Variants in NAALADL2 observed in about 807,000 individuals in gnomAD.
The protein encoded by NAALADL2 is N-acetylated alpha-linked acidic dipeptidase like 2, also known as inactive N-acetylated-alpha-linked acidic dipeptidase-like protein 2.
NAALADL2 carries 76 observed loss-of-function variants against 87.2 expected under a neutral mutation model. That is an observed-to-expected ratio of 0.87 (90% confidence interval 0.72 to 1.05). The LOEUF (loss-of-function observed/expected upper bound fraction) is 1.05. Ranked by LOEUF, NAALADL2 falls within the 50% of genes least tolerant of loss-of-function variation. The probability of loss-of-function intolerance (pLI) is 0.00; values close to 1 mark genes in which losing one functional copy is unlikely to be tolerated. For synonymous variants in NAALADL2, 354 were observed against 331.0 expected, an observed-to-expected ratio of 1.07 and a Z score of -0.75; for missense variants, 1,089 against 945.8, an observed-to-expected ratio of 1.15 and a Z score of -1.99.
At chr3:174,542,220 T>G (rs1722308243) in intron 1 of NAALADL2, among the ~76,000 whole-genome samples, 1 of 152,146 alleles carries the variant, frequency 6.6e-6, no homozygotes, top group Non-Finnish European at 1.5e-5. Context: ...TTTCTTCATT[T>G]TATCCTGTCA....
chr3:175,502,322 T>C (rs78788220), intron 9 of NAALADL2, among the ~76,000 whole-genome samples: 3,330 of 152,022 alleles, frequency 0.022, 138 homozygotes, highest in East Asian at 0.13. Context: ...TAAAGCAGAT[T>C]TTCCTGCCTA....
At chr3:175,375,043 T>C (rs1766977237) in intron 5 of NAALADL2, among the ~76,000 whole-genome samples, 1 of 152,156 alleles carries the variant, frequency 6.6e-6, no homozygotes, top group Admixed American at 6.5e-5. Context: ...AAAATCTTAC[T>C]TTTCTTATTG....
intron 4 of NAALADL2, among the ~76,000 whole-genome samples, chr3:175,283,970 A>T (rs1754652984): frequency 7.1e-6 from 1 of 140,482 alleles, no homozygotes; most frequent in South Asian, 2.2e-4. Context: ...GCTTTTTATA[A>T]ACAGGAAAAA....
At position 174,847,439 on chromosome 3, in the gene NAALADL2, G is replaced by C. The variant is rs1167033081; in HGVS notation, c.-9+109693G>C. 2.0e-5 allele frequency among the ~76,000 whole-genome samples: 3 copies of C among 151,998 alleles called. No homozygotes were observed. The South Asian group carries it at 6.2e-4, about 32-fold the overall frequency. ...CAAACTTTATCACTCTTATCCTATT[G>C]ATGGCTTTATTATAATCAAGAAATA... On this transcript the variant is annotated intron_variant, in intron 3 of 3. Coordinates refer to the NAALADL2 transcript ENST00000434257.
intron 3 of NAALADL2, among the ~76,000 whole-genome samples, chr3:175,241,153 T>G (rs1177216199): frequency 1.3e-5 from 2 of 152,336 alleles, no homozygotes; most frequent in Non-Finnish European, 2.9e-5. Context: ...TTTCTCATTT[T>G]ATGAGCTCTG....
At chr3:175,353,556 C>T (rs1764018181) in intron 5 of NAALADL2, among the ~76,000 whole-genome samples, 1 of 152,158 alleles carries the variant, frequency 6.6e-6, no homozygotes. Context: ...GTGATTTACT[C>T]AAGATCACAA....
intron 1 of NAALADL2, among the ~76,000 whole-genome samples, chr3:174,924,511 G>T (rs558352199): frequency 1.3e-5 from 2 of 151,950 alleles, no homozygotes; most frequent in Non-Finnish European, 2.9e-5. Flanking sequence ...GAATAGTGCC[G>T]CAATAAACAT....
chr3:175,053,709 A>G lies in NAALADL2; in HGVS notation c.44-43081A>G, dbSNP rs192375769. On this transcript the variant is annotated intron_variant, in intron 1 of 13. Coordinates refer to ENST00000454872, the MANE Select transcript of NAALADL2 (RefSeq NM_207015.3). ...AACATGTGTGACATCCGTTTGCCAAAGAGAATTAGGTTCCAATCCTCGAGG... is the reference window on the plus strand; with the variant it reads ...AACATGTGTGACATCCGTTTGCCAAGGAGAATTAGGTTCCAATCCTCGAGG... Among the ~76,000 whole-genome samples the G allele has an allele frequency of 2.9e-3, 441 of 152,332 alleles. 1 individual carries two copies. Among genetic ancestry groups the G allele is most frequent in the African/African-American group, 1.0e-2 (415 of 41,580 alleles).
intron 2 of NAALADL2, chr3:174,551,024 AG>A (rs930251283): frequency 4.6e-5 from 7 of 152,060 alleles, no homozygotes; most frequent in Admixed American, 3.9e-4. Flanking sequence ...TTTAAGTTTT[AG>A]GGTACATGTG....
intron 4 of NAALADL2, among the ~76,000 whole-genome samples, chr3:175,306,534 A>G (rs938086890): frequency 6.6e-6 from 1 of 152,146 alleles, no homozygotes; most frequent in Non-Finnish European, 1.5e-5. Flanking sequence ...CAAAGCGGCC[A>G]GACGCGGTGG....
At chr3:175,056,754 A>G (rs1176046695) in intron 1 of NAALADL2, among the ~76,000 whole-genome samples, 1 of 152,224 alleles carries the variant, frequency 6.6e-6, no homozygotes, top group Admixed American at 6.5e-5. Flanking sequence ...GCCGAAATAA[A>G]GGGATGGGTC....
chr3:175,049,055 C>T lies in NAALADL2; in HGVS notation c.44-47735C>T, dbSNP rs144053055. Among the ~76,000 whole-genome samples, 1,439 of 152,214 alleles carry T rather than the reference C, an allele frequency of 9.5e-3. 36 individuals carry two copies. Among genetic ancestry groups the T allele is most frequent in the African/African-American group, 0.032 (1,344 of 41,530 alleles). On this transcript the variant is annotated intron_variant, in intron 1 of 13. Transcript: ENST00000454872. Reference sequence around the variant, plus strand: ...ATGGGGATACATCCTAAGAGCCCTCCGCCAGTGGATGCCTTTAACCTTGAA... The same window carrying T: ...ATGGGGATACATCCTAAGAGCCCTCTGCCAGTGGATGCCTTTAACCTTGAA...
At chr3:174,978,620 A>C (rs1188491316) in intron 1 of NAALADL2, among the ~76,000 whole-genome samples, 6 of 152,198 alleles carry the variant, frequency 3.9e-5, no homozygotes, top group African/African-American at 1.4e-4. Context: ...TTTTCCGAAT[A>C]ATAACAAAAT....
chr3:175,300,247 T>C (rs1259459454), intron 4 of NAALADL2, among the ~76,000 whole-genome samples: 2 of 152,202 alleles, frequency 1.3e-5, no homozygotes, highest in African/African-American at 2.4e-5. Context: ...CCTGGAATTT[T>C]CTTTTTTGTT....
chr3:175,466,123 G>T (rs1391019136), intron 7 of NAALADL2, among the ~76,000 whole-genome samples: 1 of 152,172 alleles, frequency 6.6e-6, no homozygotes, highest in Non-Finnish European at 1.5e-5. Flanking sequence ...TGGATTCAGG[G>T]TCTGAACAAT....
At chr3:174,642,150 A>G (rs1417812363) in intron 2 of NAALADL2, among the ~76,000 whole-genome samples, 5 of 152,114 alleles carry the variant, frequency 3.3e-5, no homozygotes, top group African/African-American at 9.7e-5. Context: ...CTGGTATTAC[A>G]TTCTGTTTAT....
At chr3:175,536,144 A>C (rs1481655395) in intron 9 of NAALADL2, among the ~76,000 whole-genome samples, 1 of 152,242 alleles carries the variant, frequency 6.6e-6, no homozygotes, top group African/African-American at 2.4e-5. Context: ...ATCAGAGGAC[A>C]GCAGAGTGCC....
intron 5 of NAALADL2, among the ~76,000 whole-genome samples, chr3:175,335,801 A>C (rs1395647055): frequency 1.3e-5 from 2 of 152,206 alleles, no homozygotes; most frequent in African/African-American, 4.8e-5. Context: ...AATTAAAAAA[A>C]TTGAATCTCT....
chr3:174,642,155 G>C (rs537912482), intron 2 of NAALADL2, among the ~76,000 whole-genome samples: 4 of 151,688 alleles, frequency 2.6e-5, no homozygotes, highest in South Asian at 4.2e-4. Flanking sequence ...ATTACATTCT[G>C]TTTATGTGAA....
Sources: gnomAD v4.1 joint callset for allele counts (sites outside exome capture counted in the v4.1 genomes callset) on GRCh38, gnomAD v4.1.1 for gene constraint, MANE v1.5 for transcripts, NCBI Gene and HGNC (gene_info 2026-07-23, HGNC 2026-07-21) for gene names.